Variants in KIFC1 observed in about 807,000 individuals in gnomAD.
The protein encoded by KIFC1 is kinesin-like protein KIFC1.
Under a neutral mutation model 66.6 loss-of-function variants are expected in KIFC1, and 37 were observed. The ratio of observed to expected loss-of-function variants is 0.56; its 90% CI spans 0.43 to 0.73. KIFC1 has a LOEUF of 0.73. KIFC1 is among the 30% of genes least tolerant of loss of function. The pLI, the probability that KIFC1 is intolerant of heterozygous loss-of-function variation, is 0.00. For synonymous variants in KIFC1, 325 were observed against 343.5 expected, an observed-to-expected ratio of 0.95 and a Z score of 0.60; for missense variants, 721 against 859.8, an observed-to-expected ratio of 0.84 and a Z score of 2.02.
intron 10 of KIFC1, 34 bp from the exon 11 acceptor site, chr6:33,409,612 C>T (rs1775821834): frequency 1.2e-6 from 2 of 1,608,792 alleles, no homozygotes; most frequent in East Asian, 4.5e-5. Context: ...GGTTACGCTG[C>T]AAACTTTTAT....
Position 33,406,370 on chromosome 6 carries a change from C to T in KIFC1, c.1711C>T (p.Arg571Ter), listed in dbSNP as rs1400612118. ...TCTTGTGGACCTGGCCGGGAGTGAG[C>T]GACTTGACCCCGGCTTAGCCCTCGG... ...LSLVDLAGSE[R>*]LDPGLALGPG... Residue 571 changes from arginine to a stop codon, truncating the protein, a stop_gained, in exon 8 of 11, where the codon CGA becomes TGA. Transcript: ENST00000428849. LOFTEE classifies it high-confidence loss of function. This position sits in a 1 kb window ranked among gnomAD's most constrained non-coding sequence, Gnocchi z 4.5. The T allele has an allele frequency of 3.7e-6, 6 of 1,613,708 alleles. No homozygotes were observed. The South Asian group carries it at 5.5e-5, about 15-fold the overall frequency.
At chr6:33,397,401 G>A (rs975630342) in intron 1 of KIFC1, among the ~76,000 whole-genome samples, 17 of 150,058 alleles carry the variant, frequency 1.1e-4, no homozygotes, top group African/African-American at 3.7e-4. Flanking sequence ...AGGTTCAGGC[G>A]ATTCTCCTGA....
Position 33,405,687 on chromosome 6 carries a change from C to A in KIFC1, c.1536+56C>A. 2 of 1,416,410 alleles carry A rather than the reference C, an allele frequency of 1.4e-6. No homozygotes were observed. Among genetic ancestry groups the A allele is most frequent in the Non-Finnish European group, 1.9e-6 (2 of 1,077,414 alleles). The allele number at this position is 1,416,410 out of a possible 1,614,324, so 87.7% of individuals were successfully genotyped here. A position where few individuals can be genotyped will look rare whatever the true frequency, so the allele number is the denominator to read the frequency against. On this transcript the variant is annotated intron_variant, in intron 7 of 10. Transcript: ENST00000428849. The surrounding 1 kb of genome is among the most constrained non-coding windows in gnomAD (Gnocchi z 5.4). ...ATGGGGAGGAGTGGGCAGGGTGCCA[C>A]GAGATGGAGGTAGAGGGAGAAAGGA...
intron 10 of KIFC1, among the ~76,000 whole-genome samples, chr6:33,407,283 C>G (rs1775712730): frequency 6.6e-6 from 1 of 152,126 alleles, no homozygotes; most frequent in Admixed American, 6.5e-5. Context: ...ATGGCTCACA[C>G]CTGTAGTTCC....
intron 3 of KIFC1, 140 bp downstream of exon 3, chr6:33,398,527 C>A: frequency 1.5e-6 from 1 of 678,830 alleles, no homozygotes; most frequent in Admixed American, 2.7e-5. Flanking sequence ...TGCAGTGGCT[C>A]AATCTCACTC....
chr6:33,396,034 T>C (rs1015207873), intron 1 of KIFC1, among the ~76,000 whole-genome samples: 2 of 152,216 alleles, frequency 1.3e-5, no homozygotes, highest in Non-Finnish European at 2.9e-5. Flanking sequence ...TCTGGTTATA[T>C]AGTTATGAAC....
intron 10 of KIFC1, 132 bp downstream of exon 10, chr6:33,407,007 T>C (rs945684730): frequency 2.8e-6 from 4 of 1,449,692 alleles, no homozygotes; most frequent in Non-Finnish European, 3.6e-6. Context: ...GAGGCACTGC[T>C]CACCTGGTTC....
chr6:33,398,074 C>A lies in KIFC1; in HGVS notation c.58C>A (p.Pro20Thr). ...EVKGNIELKR[P>T]LIKAPSQLPL... ...AAAGGGGAACATAGAACTGAAGAGA[C>A]CTCTGATTAAGGCCCCTTCCCAGCT... Residue 20 changes from proline to threonine, a missense_variant, in exon 2 of 11, where the codon CCT becomes ACT. By Grantham distance (38) the Pro-to-Thr change is conservative (BLOSUM62 -1). Coordinates refer to ENST00000428849, the MANE Select transcript of KIFC1 (RefSeq NM_002263.4). The A allele has an allele frequency of 6.2e-7, 1 of 1,613,994 alleles. No individual in the cohort carries two copies. Among genetic ancestry groups the A allele is most frequent in the South Asian group, 1.1e-5 (1 of 91,074 alleles).
intron 1 of KIFC1, among the ~76,000 whole-genome samples, chr6:33,395,202 T>C (rs1341841317): frequency 6.6e-6 from 1 of 152,166 alleles, no homozygotes; most frequent in Non-Finnish European, 1.5e-5. Flanking sequence ...GGTAATACTT[T>C]AGAGTTTTGC....
At position 33,398,012 on chromosome 6, in the gene KIFC1, G is replaced by A. The variant is rs368076493; in HGVS notation, c.13-17G>A. On this transcript the variant is annotated splice_polypyrimidine_tract_variant and intron_variant, in intron 1 of 10. Transcript: ENST00000428849. ...TGGGCTCCTGGGTATTGTCTTAAGG[G>A]TCTCTTTTCCCAACAGAGGTCCCCC... 6 of 1,613,706 alleles carry A rather than the reference G, an allele frequency of 3.7e-6. No homozygotes were observed. In the East Asian group the frequency reaches 1.1e-4, roughly 30 times the overall value.
chr6:33,397,940 G>A, intron 1 of KIFC1, 89 bp from the exon 2 acceptor site: 1 of 1,408,122 alleles, frequency 7.1e-7, no homozygotes, highest in Non-Finnish European at 9.9e-7. Flanking sequence ...TGGTGGTGGT[G>A]TTGACAATTG....
chr6:33,399,088 G>A (rs1322459195), intron 3 of KIFC1, among the ~76,000 whole-genome samples: 1 of 152,136 alleles, frequency 6.6e-6, no homozygotes, highest in East Asian at 1.9e-4. Flanking sequence ...CCAACCATCG[G>A]TTGAAAATAT....
chr6:33,396,080 T>A (rs78625976), intron 1 of KIFC1, among the ~76,000 whole-genome samples: 1 of 152,226 alleles, frequency 6.6e-6, no homozygotes, highest in African/African-American at 2.4e-5. Context: ...CACAGTCTTA[T>A]GTAGGGGTTA....
chr6:33,394,566 C>T (rs1774940245), intron 1 of KIFC1, among the ~76,000 whole-genome samples: 1 of 152,194 alleles, frequency 6.6e-6, no homozygotes, highest in African/African-American at 2.4e-5. Context: ...ACTGCAACTT[C>T]TACCTCCCAG....
chr6:33,406,913 G>A lies in KIFC1; in HGVS notation c.1977+38G>A. On this transcript the variant is annotated intron_variant, in intron 10 of 10. Coordinates refer to ENST00000428849, the MANE Select transcript of KIFC1 (RefSeq NM_002263.4). The surrounding 1 kb of genome is among the most constrained non-coding windows in gnomAD (Gnocchi z 4.5). ...CCCGTCAGCCTTGTCAGGACCCGTG[G>A]GTGGTTGTAGGCTTCTCCATTCCAA... is the stretch of plus-strand genomic sequence containing the variant. The A allele has an allele frequency of 6.2e-7, 1 of 1,613,238 alleles. No homozygotes were observed. Among genetic ancestry groups the A allele is most frequent in the South Asian group, 1.1e-5 (1 of 90,880 alleles).
At position 33,400,499 on chromosome 6, in the gene KIFC1, C is replaced by T. The variant is rs767559969; in HGVS notation, c.250+2112C>T. 67 of 1,597,870 alleles carry T rather than the reference C, an allele frequency of 4.2e-5. No individual in the cohort carries two copies. Among genetic ancestry groups the T allele is most frequent in the Admixed American group, 1.7e-4 (10 of 59,552 alleles). ...AGGGCAGAAGTGGCACCGACTTCACCTCTGGTGCACCTCAGGTATACGACC... is the reference window on the plus strand; with the variant it reads ...AGGGCAGAAGTGGCACCGACTTCACTTCTGGTGCACCTCAGGTATACGACC... On this transcript the variant is annotated intron_variant, in intron 3 of 10. Coordinates refer to ENST00000428849, the MANE Select transcript of KIFC1 (RefSeq NM_002263.4). This position sits in a 1 kb window ranked among gnomAD's most constrained non-coding sequence, Gnocchi z 4.3.
chr6:33,396,049 C>G (rs1334683119), intron 1 of KIFC1, among the ~76,000 whole-genome samples: 1 of 152,168 alleles, frequency 6.6e-6, no homozygotes, highest in Non-Finnish European at 1.5e-5. Context: ...ATGAACAAAA[C>G]AGATGAATTC....
intron 1 of KIFC1, among the ~76,000 whole-genome samples, chr6:33,394,699 C>G (rs1774949533): frequency 6.6e-6 from 1 of 152,138 alleles, no homozygotes; most frequent in African/African-American, 2.4e-5. Context: ...CCAGGCTGGT[C>G]TCGAACTCCT....
chr6:33,400,443 A>T lies in KIFC1; in HGVS notation c.250+2056A>T, dbSNP rs9278044. 195,963 of 1,602,288 alleles carry T rather than the reference A, an allele frequency of 0.12. 13,261 individuals are homozygous for T. The highest frequency in any genetic ancestry group is 0.16 in the Middle Eastern group (723 of 4,412). ...CAATGTCATCACCAACCTTTTTTGGAGACAGACCCAGGGGGCCGATCTTGG... is the reference window on the plus strand; with the variant it reads ...CAATGTCATCACCAACCTTTTTTGGTGACAGACCCAGGGGGCCGATCTTGG... On this transcript the variant is annotated intron_variant, in intron 3 of 10. Transcript: ENST00000428849. The surrounding 1 kb of genome is among the most constrained non-coding windows in gnomAD (Gnocchi z 4.3).
Sources: allele counts gnomAD v4.1 joint callset (sites outside exome capture counted in the v4.1 genomes callset), GRCh38; gene constraint gnomAD v4.1.1; non-coding constraint Gnocchi (gnomAD v3.1); transcripts MANE v1.5; gene names NCBI Gene and HGNC (gene_info 2026-07-23, HGNC 2026-07-21).